The following PLCL2 variants were observed in gnomAD, a reference collection of about 807,000 sequenced individuals.
The protein encoded by PLCL2 is phospholipase C like 2.
A neutral mutation model predicts 79.6 loss-of-function variants in PLCL2; 4 were observed. That is an observed-to-expected ratio of 0.05 (90% CI 0.02 to 0.11). PLCL2 has a LOEUF of 0.11. Among genes scored for constraint, PLCL2 ranks in the 10% least tolerant of loss-of-function variants. PLCL2 has a pLI of 1.00. For missense variants in PLCL2, 895 were observed against 1,291.0 expected (o/e 0.69, Z 4.70); for synonymous variants, 484 against 457.7 (o/e 1.06, Z -0.73).
intron 1 of PLCL2, among the ~76,000 whole-genome samples, chr3:16,913,844 C>A (rs1190703414): frequency 1.3e-5 from 2 of 152,106 alleles, no homozygotes; most frequent in Non-Finnish European, 2.9e-5. Context: ...GAAAGATCTG[C>A]CTGTAAATTT....
At chr3:16,961,934 A>T (rs936793017) in intron 1 of PLCL2, among the ~76,000 whole-genome samples, 4 of 152,144 alleles carry the variant, frequency 2.6e-5, no homozygotes, top group Admixed American at 6.5e-5. Flanking sequence ...TTTGTTTGGT[A>T]AGAGGTGAAC....
At chr3:16,940,104 A>T (rs887566027) in intron 1 of PLCL2, among the ~76,000 whole-genome samples, 6 of 152,162 alleles carry the variant, frequency 3.9e-5, no homozygotes, top group Admixed American at 2.6e-4. Flanking sequence ...TGTCTGGATT[A>T]CCATCTTGTG....
At chr3:16,904,931 G>T (rs955839411) in intron 1 of PLCL2, among the ~76,000 whole-genome samples, 6 of 152,120 alleles carry the variant, frequency 3.9e-5, no homozygotes, top group African/African-American at 1.4e-4. Flanking sequence ...TCCCAGCCCT[G>T]CAGAACTGTG....
At chr3:17,072,705 C>G (rs149611836) in intron 5 of PLCL2, among the ~76,000 whole-genome samples, 197 of 150,884 alleles carry the variant, frequency 1.3e-3, no homozygotes, top group African/African-American at 4.6e-3. Flanking sequence ...TGAGCATTCT[C>G]TAATATTACT....
intron 1 of PLCL2, among the ~76,000 whole-genome samples, chr3:16,999,915 C>T (rs1156648169): frequency 6.6e-5 from 10 of 152,138 alleles, no homozygotes; most frequent in Non-Finnish European, 1.5e-4. Context: ...AACATTTATT[C>T]TCTGCCTTTA....
intron 1 of PLCL2, among the ~76,000 whole-genome samples, chr3:16,997,887 C>G (rs2064170110): frequency 6.6e-6 from 1 of 152,046 alleles, no homozygotes; most frequent in African/African-American, 2.4e-5. Context: ...AAAAAGGCCC[C>G]AGGAAGAAGT....
At chr3:16,900,208 T>A (rs1696585755) in intron 1 of PLCL2, among the ~76,000 whole-genome samples, 1 of 152,200 alleles carries the variant, frequency 6.6e-6, no homozygotes, top group South Asian at 2.1e-4. Flanking sequence ...CTTCATTTTT[T>A]CTTCTTGACA....
At chr3:17,019,136 G>A (rs2064418080) in intron 3 of PLCL2, among the ~76,000 whole-genome samples, 1 of 152,208 alleles carries the variant, frequency 6.6e-6, no homozygotes, top group Non-Finnish European at 1.5e-5. Context: ...CCTTGAACTA[G>A]ACCTGTAAGA....
intron 1 of PLCL2, among the ~76,000 whole-genome samples, chr3:16,981,472 A>G (rs1268749576): frequency 6.6e-6 from 1 of 152,204 alleles, no homozygotes; most frequent in African/African-American, 2.4e-5. Context: ...GTCAGTGTTA[A>G]CGGGGCATCA....
intron 3 of PLCL2, among the ~76,000 whole-genome samples, chr3:17,024,890 T>C (rs1401274452): frequency 1.3e-5 from 2 of 152,190 alleles, no homozygotes; most frequent in African/African-American, 4.8e-5. Context: ...TGCTGGCTAC[T>C]TTGAAAGAAA....
At position 17,009,352 on chromosome 3, in the gene PLCL2, C is replaced by T. The variant is rs1189680908; in HGVS notation, c.328-322C>T. Among the ~76,000 whole-genome samples the T allele has an allele frequency of 6.6e-6, 1 of 152,012 alleles. No individual in the cohort carries two copies. The highest frequency in any genetic ancestry group is 1.5e-5 in the Non-Finnish European group (1 of 67,998). ...ACCCAGGTTGGTCTCAAACTCCTCA[C>T]CTCAAGCAATCCTCCTGCCTTAGCC... On this transcript the variant is annotated intron_variant, in intron 1 of 5. Transcript: ENST00000615277. This position sits in a 1 kb window ranked among gnomAD's most constrained non-coding sequence, Gnocchi z 4.0.
intron 4 of PLCL2, among the ~76,000 whole-genome samples, chr3:17,056,853 G>T (rs541137694): frequency 2.0e-5 from 3 of 152,308 alleles, no homozygotes; most frequent in Admixed American, 2.0e-4. Flanking sequence ...GGCTTTTGTT[G>T]TTAGGAAAGG....
intron 1 of PLCL2, among the ~76,000 whole-genome samples, chr3:16,949,668 T>C (rs1445251039): frequency 6.6e-6 from 1 of 152,174 alleles, no homozygotes; most frequent in African/African-American, 2.4e-5. Context: ...CCCTCCATCC[T>C]CCTCCCACTT....
intron 1 of PLCL2, among the ~76,000 whole-genome samples, chr3:16,957,822 G>A (rs1336370646): frequency 2.0e-5 from 3 of 152,138 alleles, no homozygotes; most frequent in African/African-American, 7.2e-5. Context: ...TTGGTTTAAA[G>A]TCTGTTTTAT....
chr3:16,934,943 C>G (rs1373337310), intron 1 of PLCL2, among the ~76,000 whole-genome samples: 2 of 152,118 alleles, frequency 1.3e-5, no homozygotes, highest in African/African-American at 4.8e-5. Flanking sequence ...TTGGACAAAT[C>G]CTGGAAGTAG....
chr3:16,930,376 G>C (rs986947953), intron 1 of PLCL2, among the ~76,000 whole-genome samples: 1 of 152,082 alleles, frequency 6.6e-6, no homozygotes, highest in Non-Finnish European at 1.5e-5. Flanking sequence ...AATACTGCAG[G>C]GAAGAACCAG....
chr3:17,004,559 G>T (rs1393600413), intron 1 of PLCL2, among the ~76,000 whole-genome samples: 1 of 151,940 alleles, frequency 6.6e-6, no homozygotes, highest in Non-Finnish European at 1.5e-5. Flanking sequence ...TTTATAAAAT[G>T]ACCTTCAGAG....
At chr3:17,024,992 AG>A (rs1421519227) in intron 3 of PLCL2, among the ~76,000 whole-genome samples, 2 of 152,272 alleles carry the variant, frequency 1.3e-5, no homozygotes, top group Admixed American at 1.3e-4. Flanking sequence ...TGAAACCCCA[AG>A]TACTCCTTGA....
At chr3:16,993,586 T>A (rs4685418) in intron 1 of PLCL2, among the ~76,000 whole-genome samples, 88,666 of 152,086 alleles carry the variant, frequency 0.58, 26,084 homozygotes, top group South Asian at 0.65. Flanking sequence ...CATCCTGCTT[T>A]TTAATAAGGG....
Sources: allele counts gnomAD v4.1 joint callset (sites outside exome capture counted in the v4.1 genomes callset), GRCh38; gene constraint gnomAD v4.1.1; non-coding constraint Gnocchi (gnomAD v3.1); transcripts MANE v1.5; gene names NCBI Gene and HGNC (gene_info 2026-07-23, HGNC 2026-07-21).